Variants in TMEM219 observed in about 807,000 individuals in gnomAD.
The protein encoded by TMEM219 is insulin-like growth factor-binding protein 3 receptor.
TMEM219 carries 18 observed loss-of-function variants against 17.9 expected under a neutral mutation model. The ratio of observed to expected loss-of-function variants is 1.01; its 90% CI spans 0.70 to 1.49. TMEM219 has a LOEUF of 1.49. Among genes scored for constraint, TMEM219 ranks in the 40% most tolerant of loss-of-function variants. The pLI is 0.00. For missense variants in TMEM219, 288 were observed against 292.4 expected, an observed-to-expected ratio of 0.99 and a Z score of 0.11; for synonymous variants, 113 against 124.0, an observed-to-expected ratio of 0.91 and a Z score of 0.59.
chr16:29,962,825 G>A, intron 1 of TMEM219: 1 of 362,058 alleles, frequency 2.8e-6, no homozygotes. Flanking sequence ...CCCCAGAACA[G>A]TGCTTCCTGT....
intron 1 of TMEM219, chr16:29,962,779 G>A (rs1231339270): frequency 1.7e-5 from 4 of 230,224 alleles, no homozygotes; most frequent in African/African-American, 2.2e-5. Context: ...CCCTTGTCTG[G>A]GCTCTGGCTG....
chr16:29,969,184 C>A (rs1056232875), intron 4 of TMEM219, among the ~76,000 whole-genome samples: 2 of 139,016 alleles, frequency 1.4e-5, no homozygotes, highest in African/African-American at 2.6e-5. Context: ...GACCTCGTTT[C>A]TTTTTCGCTT....
intron 3 of TMEM219, among the ~76,000 whole-genome samples, chr16:29,966,128 C>T (rs773169648): frequency 2.0e-5 from 3 of 152,230 alleles, no homozygotes; most frequent in Non-Finnish European, 2.9e-5. Context: ...CCTCACCTCC[C>T]AAAGTGCTGG....
At chr16:29,967,445 CA>C (rs1471657275) in intron 3 of TMEM219, among the ~76,000 whole-genome samples, 1 of 151,970 alleles carries the variant, frequency 6.6e-6, no homozygotes, top group African/African-American at 2.4e-5. Flanking sequence ...CCTGTCTCTA[CA>C]AAAAAATTTT....
intron 4 of TMEM219, chr16:29,968,585 C>G: frequency 4.5e-6 from 1 of 222,330 alleles, no homozygotes; most frequent in Non-Finnish European, 9.0e-6. Flanking sequence ...ATTCTCTCTA[C>G]TTCAAAGGAG....
At chr16:29,972,826 T>C (rs1262944352) in intron 5 of TMEM219, 124 bp from the exon 6 acceptor site, 3 of 152,246 alleles carry the variant, frequency 2.0e-5, no homozygotes, top group Non-Finnish European at 4.4e-5. Context: ...TAGTTGGGAT[T>C]AAATGCCCGT....
rs116063808 is a variant in TMEM219, at chr16:29,971,748, G to A, written c.*33+170G>A. The stretch of plus-strand genomic sequence containing the variant: ...TAGGGACTGGGAACAATTTGACACC[G>A]TCAGCATTCAATATTTTTCTAATTA... On this transcript the variant is annotated intron_variant, in intron 5 of 5. Coordinates refer to ENST00000279396, the MANE Select transcript of TMEM219 (RefSeq NM_001083613.2). 259 of 505,258 alleles carry A rather than the reference G, an allele frequency of 5.1e-4. 1 individual carries two copies. Among genetic ancestry groups the A allele is most frequent in the African/African-American group, 3.7e-3 (192 of 51,350 alleles). The allele number at this position is 505,258 out of a possible 1,614,324, so 31.3% of individuals were successfully genotyped here.
At chr16:29,964,090 C>T (rs905516808) in intron 3 of TMEM219, among the ~76,000 whole-genome samples, 1 of 151,570 alleles carries the variant, frequency 6.6e-6, no homozygotes, top group Admixed American at 6.6e-5. Context: ...TTTGGGAGGC[C>T]GAGGCGGGCA....
intron 4 of TMEM219, among the ~76,000 whole-genome samples, chr16:29,969,336 A>G (rs1483022188): frequency 6.6e-6 from 1 of 150,858 alleles, no homozygotes; most frequent in Non-Finnish European, 1.5e-5. Flanking sequence ...AGCTGGGACT[A>G]CAGGCGCCTG....
intron 1 of TMEM219, 165 bp from the exon 2 acceptor site, chr16:29,962,942 C>A: frequency 1.5e-6 from 1 of 647,770 alleles, no homozygotes; most frequent in Non-Finnish European, 2.7e-6. Flanking sequence ...AAATATTTAT[C>A]CAGCAGTGCA....
At chr16:29,971,289 C>A in intron 4 of TMEM219, 119 bp from the exon 5 acceptor site, 29 of 986,642 alleles carry the variant, frequency 2.9e-5, no homozygotes, top group Middle Eastern at 2.3e-4. Context: ...ATGAAAATAA[C>A]ATTTTCCCTT....
intron 4 of TMEM219, among the ~76,000 whole-genome samples, chr16:29,970,858 C>T (rs570200555): frequency 6.0e-5 from 9 of 148,870 alleles, no homozygotes; most frequent in Admixed American, 3.3e-4. Flanking sequence ...GTGGGAAGAT[C>T]GCTGGAGCCC....
chr16:29,962,159 A>AC (rs1354481324), intron 1 of TMEM219, 27 bp downstream of exon 1: 1 of 151,356 alleles, frequency 6.6e-6, no homozygotes, highest in Non-Finnish European at 1.5e-5. Context: ...GGCGGATCCG[A>AC]CGCGCGAGAC....
chr16:29,972,445 G>T (rs1269865197), intron 5 of TMEM219, among the ~76,000 whole-genome samples: 1 of 152,148 alleles, frequency 6.6e-6, no homozygotes, highest in African/African-American at 2.4e-5. Flanking sequence ...GGTCATGTTG[G>T]TTAACCAGTT....
intron 5 of TMEM219, among the ~76,000 whole-genome samples, chr16:29,972,514 G>C (rs1228758266): frequency 6.6e-6 from 1 of 152,186 alleles, no homozygotes; most frequent in Non-Finnish European, 1.5e-5. Context: ...CTTGTCAGAG[G>C]GGGGTGCATG....
rs764557244 is a variant in TMEM219, at chr16:29,972,984, T to A, written c.*68T>A. The stretch of plus-strand genomic sequence containing the variant: ...AACTTCTTGGGCCTTGGCTCTGAGT[T>A]GGAAAAGGTTTTAGAAAAAGTGAAG... On this transcript the variant is annotated 3_prime_UTR_variant, in exon 6 of 6. Coordinates refer to ENST00000279396, the MANE Select transcript of TMEM219 (RefSeq NM_001083613.2). The A allele has an allele frequency of 2.0e-5, 3 of 152,202 alleles. No homozygotes were observed. Among genetic ancestry groups the A allele is most frequent in the Non-Finnish European group, 4.4e-5 (3 of 68,050 alleles). 9.4% of individuals were successfully genotyped at this position (152,202 alleles called of 1,614,324 possible).
chr16:29,965,766 C>A (rs959002023), intron 3 of TMEM219, among the ~76,000 whole-genome samples: 2 of 152,072 alleles, frequency 1.3e-5, no homozygotes, highest in Non-Finnish European at 2.9e-5. Context: ...CCCAAGGAGT[C>A]TTGCTCTGTC....
chr16:29,963,239 C>A lies in TMEM219; in HGVS notation c.96C>A (p.Leu32=), dbSNP rs567565388. Reference sequence around the variant, plus strand: ...CTTTGATCCTGCTGCTCCTTGGCCTCTCTGGCCTGGGCCTTGGCAGCTTCC... The same window carrying A: ...CTTTGATCCTGCTGCTCCTTGGCCTATCTGGCCTGGGCCTTGGCAGCTTCC... ...CATLILLLLG[L]SGLGLGSFLL... Residue 32 remains leucine (L), a synonymous_variant, in exon 2 of 6, where the codon CTC becomes CTA. Transcript: ENST00000279396. 6.2e-7 allele frequency: 1 copy of A among 1,614,100 alleles called. No individual in the cohort carries two copies. The highest frequency in any genetic ancestry group is 8.5e-7 in the Non-Finnish European group (1 of 1,180,040).
In TMEM219 at chr16:29,963,184, T is replaced by C. The variant is rs747144900; in HGVS notation, c.41T>C (p.Leu14Pro). Residue 14 changes from leucine (L) to proline (P), a missense_variant, in exon 2 of 6, where the codon CTG becomes CCG. Transcript: ENST00000279396. ...CQAGHNLHLC[L>P]AHHPPLVCAT... ...GCAGGGCACAACCTGCACCTGTGTC[T>C]GGCCCACCACCCACCTCTGGTCTGT... 1 of 1,613,566 alleles carries C rather than the reference T, an allele frequency of 6.2e-7. No individual in the cohort carries two copies. Among genetic ancestry groups the C allele is most frequent in the Non-Finnish European group, 8.5e-7 (1 of 1,180,046 alleles).
Sources: allele counts gnomAD v4.1 joint callset (sites outside exome capture counted in the v4.1 genomes callset), GRCh38; gene constraint gnomAD v4.1.1; transcripts MANE v1.5; gene names NCBI Gene and HGNC (gene_info 2026-07-23, HGNC 2026-07-21).